Variants in COL26A1 observed in about 807,000 individuals in gnomAD.
The protein encoded by COL26A1 is collagen type XXVI alpha 1 chain, also known as collagen alpha-1(XXVI) chain.
A neutral mutation model predicts 59.3 loss-of-function variants in COL26A1; 41 were observed. The ratio of observed to expected loss-of-function variants is 0.69; its 90% CI spans 0.54 to 0.90. COL26A1 has a LOEUF of 0.90. Ranked by LOEUF, COL26A1 falls within the 40% of genes least tolerant of loss-of-function variation. The probability of loss-of-function intolerance (pLI) is 0.00; values close to 1 mark genes in which losing one functional copy is unlikely to be tolerated. For synonymous variants in COL26A1, 266 were observed against 256.0 expected, an observed-to-expected ratio of 1.04 and a Z score of -0.37; for missense variants, 612 against 602.3, an observed-to-expected ratio of 1.02 and a Z score of -0.17.
Position 101,545,436 on chromosome 7 carries a change from C to A in COL26A1, c.802C>A (p.Pro268Thr), listed in dbSNP as rs760259386. The A allele has an allele frequency of 1.9e-6, 3 of 1,608,334 alleles. No individual in the cohort carries two copies. The highest frequency in any genetic ancestry group is 1.7e-6 in the Non-Finnish European group (2 of 1,177,958). ...PGPAGNPGPS[P>T]NSPQGALYSL... is the part of the protein sequence containing the mutation. ...CCCAGCAGGCAACCCAGGCCCCTCA[C>A]CAAACAGCCCCCAGGGCGCCCTCTA... Residue 268 changes from proline (P) to threonine (T), a missense_variant, in exon 7 of 13, where the codon CCA (proline) becomes ACA (threonine). Physicochemically the swap from Pro to Thr is conservative, Grantham distance 38 (BLOSUM62 -1). Transcript: ENST00000313669.
chr7:101,387,471 G>A (rs115199920), intron 1 of COL26A1, among the ~76,000 whole-genome samples: 4,384 of 150,920 alleles, frequency 0.029, 212 homozygotes, highest in African/African-American at 0.1. Context: ...ATTGTATTTT[G>A]CAAACATTTT....
intron 1 of COL26A1, among the ~76,000 whole-genome samples, chr7:101,396,677 G>A (rs1449305530): frequency 6.6e-6 from 1 of 152,232 alleles, no homozygotes; most frequent in Middle Eastern, 3.4e-3. Context: ...GGCCAGGCTG[G>A]TCTTGAACTC....
At chr7:101,491,544 G>A (rs1022059253) in intron 3 of COL26A1, among the ~76,000 whole-genome samples, 20 of 152,304 alleles carry the variant, frequency 1.3e-4, no homozygotes, top group Middle Eastern at 3.4e-3. Flanking sequence ...GAGCAGCCCT[G>A]AGGGGTGCTG....
intron 3 of COL26A1, among the ~76,000 whole-genome samples, chr7:101,489,656 TCTTTCTTCCTTCCTTC>T (rs1268982904): frequency 3.0e-5 from 2 of 67,436 alleles, no homozygotes; most frequent in Admixed American, 1.3e-4. Context: ...TTTCTTTCTT[TCTTTCTTCCTTCCTTC>T]CTTCCTTCCT....
intron 3 of COL26A1, among the ~76,000 whole-genome samples, chr7:101,462,066 C>T (rs1793628260): frequency 7.0e-6 from 1 of 143,614 alleles, no homozygotes; most frequent in Non-Finnish European, 1.5e-5. Context: ...GTGGTGCGAT[C>T]TTGGCTCACT....
At chr7:101,536,318 T>C (rs1303186323) in intron 4 of COL26A1, among the ~76,000 whole-genome samples, 1 of 152,238 alleles carries the variant, frequency 6.6e-6, no homozygotes, top group Non-Finnish European at 1.5e-5. Context: ...CTGGCCCCAC[T>C]GGCAGCTTTG....
At chr7:101,455,041 C>CT (rs56039517) in intron 3 of COL26A1, among the ~76,000 whole-genome samples, 7,078 of 133,942 alleles carry the variant, frequency 0.053, 261 homozygotes, top group East Asian at 0.12. Context: ...TTTTCTTTAT[C>CT]TTTTTTTTTT....
At chr7:101,433,365 T>C (rs1175836387) in intron 2 of COL26A1, among the ~76,000 whole-genome samples, 1 of 151,830 alleles carries the variant, frequency 6.6e-6, no homozygotes, top group East Asian at 1.9e-4. Flanking sequence ...GAGGTGACCA[T>C]GGAGATGAAT....
chr7:101,486,754 T>C (rs558000993), intron 3 of COL26A1, among the ~76,000 whole-genome samples: 1 of 152,378 alleles, frequency 6.6e-6, no homozygotes, highest in South Asian at 2.1e-4. Context: ...GAGTCCGTAA[T>C]GGGTTCCAGG....
chr7:101,525,567 G>A, intron 3 of COL26A1, among the ~76,000 whole-genome samples: 1 of 150,730 alleles, frequency 6.6e-6, no homozygotes, highest in African/African-American at 2.4e-5. Context: ...CATGATCTTG[G>A]CTCACTGCAA....
chr7:101,492,764 G>C (rs1794491826), intron 3 of COL26A1, among the ~76,000 whole-genome samples: 1 of 151,582 alleles, frequency 6.6e-6, no homozygotes. Flanking sequence ...AATAGAGATG[G>C]GGTCTTGTTC....
rs1234232274 is a variant in COL26A1, at chr7:101,478,514, A to G, written c.385+30727A>G. On this transcript the variant is annotated intron_variant, in intron 3 of 12. Coordinates refer to ENST00000313669, the MANE Select transcript of COL26A1 (RefSeq NM_001278563.3). ...AAAACTCTGAATCTCCAAAATTTAC[A>G]TAAGAAATATTTCAAATTAACCGAA... Among the ~76,000 whole-genome samples, 4 of 152,236 alleles carry G rather than the reference A, an allele frequency of 2.6e-5. No homozygotes were observed. In the South Asian group the frequency reaches 8.3e-4, roughly 32 times the overall value.
chr7:101,475,840 C>T (rs11982769), intron 3 of COL26A1, among the ~76,000 whole-genome samples: 3,293 of 147,338 alleles, frequency 0.022, 176 homozygotes, highest in African/African-American at 0.079. Context: ...CTCTCTCTCT[C>T]TTTCTTTCTC....
intron 2 of COL26A1, among the ~76,000 whole-genome samples, chr7:101,433,770 A>G (rs571968789): frequency 2.0e-4 from 30 of 152,252 alleles, no homozygotes; most frequent in African/African-American, 7.2e-4. Context: ...GGAAGGCCAC[A>G]GCAGGGGTGC....
intron 1 of COL26A1, among the ~76,000 whole-genome samples, chr7:101,394,389 A>G (rs980030174): frequency 1.3e-5 from 2 of 151,618 alleles, no homozygotes; most frequent in Non-Finnish European, 2.9e-5. Flanking sequence ...GTTGGTGGTA[A>G]TTTGTTATAG....
At chr7:101,490,907 G>A (rs1231602067) in intron 3 of COL26A1, among the ~76,000 whole-genome samples, 1 of 148,680 alleles carries the variant, frequency 6.7e-6, no homozygotes, top group Admixed American at 6.8e-5. Context: ...GCTGAGACAG[G>A]AGAATTACGT....
At chr7:101,419,531 T>G (rs1792459532) in intron 1 of COL26A1, among the ~76,000 whole-genome samples, 1 of 151,944 alleles carries the variant, frequency 6.6e-6, no homozygotes. Flanking sequence ...CACACATTGG[T>G]CAGTTGGTCG....
intron 1 of COL26A1, among the ~76,000 whole-genome samples, chr7:101,377,116 C>G (rs1314738493): frequency 6.6e-6 from 1 of 152,176 alleles, no homozygotes; most frequent in Non-Finnish European, 1.5e-5. Context: ...GCCTCGGCCT[C>G]GCAAAGTGCT....
chr7:101,546,009 T>G (rs1795727022), intron 7 of COL26A1, among the ~76,000 whole-genome samples: 1 of 152,202 alleles, frequency 6.6e-6, no homozygotes, highest in South Asian at 2.1e-4. Context: ...CACAGCAATG[T>G]GCAAAACAAA....
Sources: allele counts gnomAD v4.1 joint callset (sites outside exome capture counted in the v4.1 genomes callset), GRCh38; gene constraint gnomAD v4.1.1; transcripts MANE v1.5; gene names NCBI Gene and HGNC (gene_info 2026-07-23, HGNC 2026-07-21).